The following RGS9 variants were observed in gnomAD, a reference collection of about 807,000 sequenced individuals.
RGS9 encodes the protein regulator of G protein signaling 9, also known as regulator of G-protein signalling 9.
Under a neutral mutation model 102.0 loss-of-function variants are expected in RGS9, and 78 were observed. The ratio of observed to expected loss-of-function variants is 0.76; its 90% confidence interval spans 0.64 to 0.92. RGS9 has a LOEUF of 0.92. Among genes scored for constraint, RGS9 ranks in the 40% least tolerant of loss-of-function variants. The pLI is 0.00. For synonymous variants in RGS9, 353 were observed against 318.6 expected, an observed-to-expected ratio of 1.11 and a Z score of -1.15; for missense variants, 833 against 866.1, an observed-to-expected ratio of 0.96 and a Z score of 0.48.
intron 2 of RGS9, among the ~76,000 whole-genome samples, chr17:65,155,657 C>T (rs1247504350): frequency 2.6e-5 from 4 of 152,058 alleles, no homozygotes; most frequent in South Asian, 2.1e-4. Context: ...CCTCCTGCCT[C>T]GGTTTTCCAA....
intron 9 of RGS9, 94 bp downstream of exon 9, chr17:65,177,897 A>G (rs1364309131): frequency 2.7e-5 from 26 of 963,120 alleles, no homozygotes; most frequent in Admixed American, 8.7e-5. Flanking sequence ...TAGGGCAACG[A>G]TATCTCCTCT....
chr17:65,147,427 C>T (rs1910407036), intron 1 of RGS9, among the ~76,000 whole-genome samples: 1 of 151,988 alleles, frequency 6.6e-6, no homozygotes, highest in Admixed American at 6.6e-5. Flanking sequence ...CCCTCAGCAT[C>T]AAGTTAGGTC....
intron 17 of RGS9, among the ~76,000 whole-genome samples, chr17:65,220,691 G>A (rs1913677973): frequency 6.6e-6 from 1 of 152,230 alleles, no homozygotes; most frequent in Admixed American, 6.5e-5. Flanking sequence ...GAGTTCAGGT[G>A]GCCCCAAGGT....
At position 65,144,008 on chromosome 17, in the gene RGS9, C is replaced by T. The variant is rs530642296; in HGVS notation, c.57+6411C>T. On this transcript the variant is annotated intron_variant, in intron 1 of 18. Coordinates refer to ENST00000262406, the MANE Select transcript of RGS9 (RefSeq NM_003835.4). ...ACATCTTGGCTGGGGTCACCTGGAACGATTCCCAGGCTTTTGAATCGGTGG... is the reference window on the plus strand; with the variant it reads ...ACATCTTGGCTGGGGTCACCTGGAATGATTCCCAGGCTTTTGAATCGGTGG... Among the ~76,000 whole-genome samples, 6 of 151,574 alleles carry T rather than the reference C, an allele frequency of 4.0e-5. 1 individual carries two copies. The South Asian group carries it at 8.4e-4, about 21-fold the overall frequency.
chr17:65,179,393 G>T (rs985834221), intron 9 of RGS9, among the ~76,000 whole-genome samples: 1 of 152,158 alleles, frequency 6.6e-6, no homozygotes, highest in Non-Finnish European at 1.5e-5. Context: ...TGTTCCCCTT[G>T]CCAGAGAACA....
intron 17 of RGS9, among the ~76,000 whole-genome samples, chr17:65,221,719 C>T (rs1054848461): frequency 2.0e-5 from 3 of 152,192 alleles, no homozygotes; most frequent in Non-Finnish European, 2.9e-5. Context: ...GGGATGTCCA[C>T]GATGGAGGCC....
At chr17:65,199,623 A>G (rs995915739) in intron 13 of RGS9, among the ~76,000 whole-genome samples, 2 of 149,904 alleles carry the variant, frequency 1.3e-5, no homozygotes, top group Admixed American at 6.7e-5. Flanking sequence ...CCTCCCAAGT[A>G]GCTGGGATTA....
At chr17:65,180,240 G>A (rs1010736304) in intron 9 of RGS9, among the ~76,000 whole-genome samples, 1 of 152,188 alleles carries the variant, frequency 6.6e-6, no homozygotes, top group Non-Finnish European at 1.5e-5. Context: ...GAAGACCTGG[G>A]AGTGCAGAGG....
chr17:65,137,842 AACCTGTTACTCGGGAG>A (rs1219631025), intron 1 of RGS9, among the ~76,000 whole-genome samples: 1 of 152,266 alleles, frequency 6.6e-6, no homozygotes, highest in Non-Finnish European at 1.5e-5. Flanking sequence ...AGGTGAAAAC[AACCTGTTACTCGGGAG>A]AGGCAGGTTC....
At chr17:65,174,452 C>G (rs1021180769) in intron 8 of RGS9, among the ~76,000 whole-genome samples, 1 of 150,976 alleles carries the variant, frequency 6.6e-6, no homozygotes, top group Non-Finnish European at 1.5e-5. Context: ...TACATGTGTG[C>G]ATGTGTGTGA....
rs759779270 is a variant in RGS9, at chr17:65,225,059, C to T, written c.1465C>T (p.Pro489Ser). Residue 489 changes from proline to serine, a missense_variant, in exon 18 of 19, where the codon CCC becomes TCC. By Grantham distance (74) the Pro-to-Ser change is moderately conservative. Transcript: ENST00000262406. ...HLTVYTGTCMPPSPSSPFSSS... is the reference protein window; with the variant it reads ...HLTVYTGTCMSPSPSSPFSSS... ...GACCGTGTACACCGGGACCTGCATGCCCCCGTCTCCTTCTAGCCCCTTCTC... is the reference window on the plus strand; with the variant it reads ...GACCGTGTACACCGGGACCTGCATGTCCCCGTCTCCTTCTAGCCCCTTCTC... 4 of 1,613,888 alleles carry T rather than the reference C, an allele frequency of 2.5e-6. No homozygotes were observed. The highest frequency in any genetic ancestry group is 3.4e-6 in the Non-Finnish European group (4 of 1,179,920).
At chr17:65,206,030 C>CTATGTGATATAGGCTGTGTGATATAGGT (rs1567888780) in intron 15 of RGS9, among the ~76,000 whole-genome samples, 1 of 150,740 alleles carries the variant, frequency 6.6e-6, no homozygotes, top group African/African-American at 2.4e-5. Context: ...ATGATATAGG[C>CTATGTGATATAGGCTGTGTGATATAGGT]TATGTGATAT....
At chr17:65,205,005 G>C (rs956348708) in intron 15 of RGS9, among the ~76,000 whole-genome samples, 1 of 152,180 alleles carries the variant, frequency 6.6e-6, no homozygotes, top group South Asian at 2.1e-4. Flanking sequence ...TAGAGGCGTA[G>C]TGTCTAGGAG....
intron 16 of RGS9, among the ~76,000 whole-genome samples, chr17:65,208,837 A>G (rs1297162565): frequency 3.3e-5 from 5 of 152,120 alleles, no homozygotes; most frequent in African/African-American, 4.8e-5. Context: ...CCTTTATCAA[A>G]GGAGAAAAAA....
intron 8 of RGS9, among the ~76,000 whole-genome samples, chr17:65,176,409 T>C (rs1156700551): frequency 6.6e-6 from 1 of 152,236 alleles, no homozygotes; most frequent in Non-Finnish European, 1.5e-5. Context: ...GATTCTTCTC[T>C]GTTTCTTAGA....
At chr17:65,162,335 T>C (rs1325441750) in intron 6 of RGS9, among the ~76,000 whole-genome samples, 1 of 152,132 alleles carries the variant, frequency 6.6e-6, no homozygotes, top group Non-Finnish European at 1.5e-5. Context: ...TGAGCTATGA[T>C]TGTGCCACTG....
chr17:65,161,545 C>T (rs1461847125), intron 6 of RGS9, among the ~76,000 whole-genome samples: 2 of 152,034 alleles, frequency 1.3e-5, no homozygotes, highest in African/African-American at 4.8e-5. Flanking sequence ...AGCCATCGTG[C>T]CTGGCCCGAA....
intron 17 of RGS9, among the ~76,000 whole-genome samples, chr17:65,222,821 A>AC (rs1006503268): frequency 9.9e-5 from 15 of 151,858 alleles, no homozygotes; most frequent in African/African-American, 3.6e-4. Flanking sequence ...CTTCAGTCGC[A>AC]CCCCCCTGAT....
intron 2 of RGS9, among the ~76,000 whole-genome samples, chr17:65,154,991 A>G (rs1202136621): frequency 6.6e-6 from 1 of 152,118 alleles, no homozygotes; most frequent in Non-Finnish European, 1.5e-5. Context: ...GGATGCCCCC[A>G]CCAGCAATGT....
Sources: gnomAD v4.1 joint callset for allele counts (sites outside exome capture counted in the v4.1 genomes callset) on GRCh38, gnomAD v4.1.1 for gene constraint, MANE v1.5 for transcripts, NCBI Gene and HGNC (gene_info 2026-07-23, HGNC 2026-07-21) for gene names.